Variants in MLKL observed in about 807,000 individuals in gnomAD.
The protein encoded by MLKL is mixed lineage kinase domain like pseudokinase.
Under a neutral mutation model 56.5 loss-of-function variants are expected in MLKL, and 55 were observed. The observed-to-expected ratio is 0.97, with a 90% CI of 0.78 to 1.22. The LOEUF (loss-of-function observed/expected upper bound fraction) is 1.22. Among genes scored for constraint, MLKL ranks in the 50% most tolerant of loss-of-function variants. The pLI, the probability that MLKL is intolerant of heterozygous loss-of-function variation, is 0.00. For missense variants in MLKL, 694 were observed against 573.9 expected (o/e 1.21, Z -2.14); for synonymous variants, 251 against 208.3 (o/e 1.20, Z -1.76).
intron 6 of MLKL, 74 bp from the exon 7 acceptor site, chr16:74,679,054 G>T: frequency 8.6e-7 from 1 of 1,169,064 alleles, no homozygotes; most frequent in Non-Finnish European, 1.3e-6. Context: ...ATCATAACTG[G>T]GCTGATGAGG....
At chr16:74,683,677 C>G (rs1201271932) in intron 5 of MLKL, among the ~76,000 whole-genome samples, 1 of 151,558 alleles carries the variant, frequency 6.6e-6, no homozygotes, top group Admixed American at 6.6e-5. Context: ...TTTTCTTGAG[C>G]AGTTATTTGG....
At chr16:74,694,725 G>A (rs1033095800) in intron 2 of MLKL, among the ~76,000 whole-genome samples, 3 of 152,236 alleles carry the variant, frequency 2.0e-5, no homozygotes, top group East Asian at 1.9e-4. Context: ...TTGTGCCGCC[G>A]TCCTCTAGCC....
At chr16:74,678,538 C>A (rs142065747) in intron 7 of MLKL, 1 of 208,332 alleles carries the variant, frequency 4.8e-6, no homozygotes, top group Non-Finnish European at 9.9e-6. Flanking sequence ...AATCCCAGCA[C>A]TTTGGGAGGC....
At chr16:74,682,565 G>C in intron 6 of MLKL, 86 bp downstream of exon 6, 1 of 1,546,226 alleles carries the variant, frequency 6.5e-7, no homozygotes, top group Non-Finnish European at 8.8e-7. Flanking sequence ...TGGGGCGTCT[G>C]GCCTGTTCTC....
chr16:74,696,629 T>TA (rs1038878630), intron 1 of MLKL, among the ~76,000 whole-genome samples: 26 of 146,716 alleles, frequency 1.8e-4, no homozygotes, highest in South Asian at 1.5e-3. Context: ...TCTACAAAAA[T>TA]AAAAAAAATA....
chr16:74,699,553 T>C (rs1961254254), intron 1 of MLKL, among the ~76,000 whole-genome samples: 1 of 152,142 alleles, frequency 6.6e-6, no homozygotes, highest in Non-Finnish European at 1.5e-5. Context: ...TCTAGGAACT[T>C]ATGATGTAGA....
At chr16:74,699,401 T>C (rs945346852) in intron 1 of MLKL, among the ~76,000 whole-genome samples, 9 of 152,158 alleles carry the variant, frequency 5.9e-5, no homozygotes, top group African/African-American at 2.2e-4. Flanking sequence ...TGTATGAAAT[T>C]AAAATATATT....
chr16:74,675,465 A>G (rs913181158), intron 8 of MLKL, 61 bp from the exon 9 acceptor site: 1 of 1,588,318 alleles, frequency 6.3e-7, no homozygotes, highest in Non-Finnish European at 8.6e-7. Flanking sequence ...CTGTCCCTCT[A>G]GCCACTGCCA....
At chr16:74,682,839 A>G (rs529568474) in intron 5 of MLKL, 53 bp from the exon 6 acceptor site, 74 of 1,600,544 alleles carry the variant, frequency 4.6e-5, no homozygotes, top group Non-Finnish European at 5.6e-5. Context: ...GAAGCTTCCC[A>G]TGTCTGCAGC....
At chr16:74,688,492 T>C (rs1960473529) in intron 4 of MLKL, among the ~76,000 whole-genome samples, 1 of 151,938 alleles carries the variant, frequency 6.6e-6, no homozygotes, top group African/African-American at 2.4e-5. Flanking sequence ...GGTGGGTGGA[T>C]TGCTTGAGGT....
At chr16:74,681,805 A>G (rs1959989760) in intron 6 of MLKL, among the ~76,000 whole-genome samples, 1 of 151,944 alleles carries the variant, frequency 6.6e-6, no homozygotes, top group African/African-American at 2.4e-5. Flanking sequence ...AGAAGAAAAA[A>G]AAAGAAAAGA....
intron 5 of MLKL, among the ~76,000 whole-genome samples, chr16:74,684,929 C>T (rs1960236836): frequency 6.6e-6 from 1 of 150,396 alleles, no homozygotes; most frequent in African/African-American, 2.4e-5. Context: ...CAATGGTGCA[C>T]CCTCAGCTCA....
chr16:74,683,290 C>T (rs1045304832), intron 5 of MLKL, among the ~76,000 whole-genome samples: 19 of 99,416 alleles, frequency 1.9e-4, no homozygotes, highest in Non-Finnish European at 2.9e-4. Context: ...GACACTACAT[C>T]TCAAAAAAAA....
chr16:74,684,082 G>C (rs895748676), intron 5 of MLKL, among the ~76,000 whole-genome samples: 2 of 151,760 alleles, frequency 1.3e-5, no homozygotes, highest in African/African-American at 4.8e-5. Flanking sequence ...CGAGTAGCTG[G>C]GACTACAGGC....
At position 74,675,100 on chromosome 16, in the gene MLKL, C is replaced by A; in HGVS notation, c.1241G>T (p.Gly414Val). 6.2e-7 allele frequency: 1 copy of A among 1,613,832 alleles called. No individual in the cohort carries two copies. Among genetic ancestry groups the A allele is most frequent in the Non-Finnish European group, 8.5e-7 (1 of 1,179,918 alleles). Reference sequence around the variant, plus strand: ...CTTGCGGATCTTCTCAGAATTACAGCCTGGAAATGATAGCATGAGAGCCTC... The same window carrying A: ...CTTGCGGATCTTCTCAGAATTACAGACTGGAAATGATAGCATGAGAGCCTC... ...EIATGDIPFQ[G>V]CNSEKIRKLV... is the part of the protein sequence containing the mutation. The change falls in exon 10 of 11, where the codon GGC becomes GTC. Residue 414 changes from glycine to valine, a missense_variant and splice_region_variant. Coordinates refer to ENST00000308807, the MANE Select transcript of MLKL (RefSeq NM_152649.4).
intron 10 of MLKL, among the ~76,000 whole-genome samples, chr16:74,674,311 C>A (rs1252122373): frequency 1.3e-5 from 2 of 150,816 alleles, no homozygotes; most frequent in Non-Finnish European, 3.0e-5. Context: ...CGCCAATATA[C>A]TTGGCTAATT....
chr16:74,682,541 G>A, intron 6 of MLKL, 110 bp downstream of exon 6: 2 of 1,433,002 alleles, frequency 1.4e-6, no homozygotes, highest in East Asian at 2.3e-5. Flanking sequence ...ACAGTGTATG[G>A]GAGGGAGACT....
At chr16:74,687,334 C>G (rs74638582) in intron 4 of MLKL, among the ~76,000 whole-genome samples, 1 of 151,918 alleles carries the variant, frequency 6.6e-6, no homozygotes, top group African/African-American at 2.4e-5. Flanking sequence ...AATAGGAAGA[C>G]TTTATACCAT....
intron 1 of MLKL, among the ~76,000 whole-genome samples, chr16:74,698,276 C>T (rs116443158): frequency 0.013 from 2,028 of 151,108 alleles, 42 homozygotes; most frequent in African/African-American, 0.047. Flanking sequence ...TTTTTTTTAA[C>T]AGCTCAGTGA....
Sources: allele counts gnomAD v4.1 joint callset (sites outside exome capture counted in the v4.1 genomes callset), GRCh38; gene constraint gnomAD v4.1.1; transcripts MANE v1.5; gene names NCBI Gene and HGNC (gene_info 2026-07-23, HGNC 2026-07-21).